The following KLF13 variants were observed in gnomAD, a reference collection of about 807,000 sequenced individuals.
KLF13 encodes Krueppel-like factor 13.
In KLF13, 8 loss-of-function variants were observed where a neutral mutation model predicts 16.7. The observed-to-expected ratio is 0.48, with a 90% CI of 0.28 to 0.87. The LOEUF (loss-of-function observed/expected upper bound fraction) is 0.87. Ranked by LOEUF, KLF13 falls within the 40% of genes least tolerant of loss-of-function variation. KLF13 has a pLI of 0.10. For missense variants in KLF13, 447 were observed against 452.2 expected (o/e 0.99, Z 0.10); for synonymous variants, 245 against 208.4 (o/e 1.18, Z -1.51).
chr15:31,346,882 T>C (rs2039130777), intron 1 of KLF13, among the ~76,000 whole-genome samples: 1 of 152,046 alleles, frequency 6.6e-6, no homozygotes, highest in African/African-American at 2.4e-5. Flanking sequence ...AGGGAGGGTC[T>C]GGGGAGATGC....
At chr15:31,405,265 G>T (rs1402164892), downstream of KLF13, among the ~76,000 whole-genome samples, 1 of 152,108 alleles carries the variant, frequency 6.6e-6, no homozygotes, top group Admixed American at 6.5e-5. Context: ...AGTGAGCCGA[G>T]ATCGCACCAC....
upstream of KLF13, among the ~76,000 whole-genome samples, chr15:31,390,930 C>A (rs2039855725): frequency 6.6e-6 from 1 of 151,724 alleles, no homozygotes; most frequent in Non-Finnish European, 1.5e-5. Context: ...CTGGTGGGAG[C>A]CTTTCTGGCC....
intron 1 of KLF13, among the ~76,000 whole-genome samples, chr15:31,383,762 C>T (rs565529238): frequency 1.2e-4 from 18 of 152,054 alleles, no homozygotes; most frequent in South Asian, 2.1e-4. Flanking sequence ...ATTAGCTGGG[C>T]GTGGTGGTGG....
chr15:31,360,695 G>A (rs1265840332), intron 1 of KLF13, among the ~76,000 whole-genome samples: 2 of 152,158 alleles, frequency 1.3e-5, no homozygotes, highest in African/African-American at 4.8e-5. Flanking sequence ...ACAGACCGTT[G>A]TCTAATTTGT....
rs1404132138 is a variant in KLF13 at position 31,327,553 on chromosome 15, C to T, written c.341C>T (p.Ala114Val). Residue 114 changes from alanine to valine, a missense_variant, in exon 1 of 2, where the codon GCG becomes GTG. By Grantham distance (64) the Ala-to-Val change is moderately conservative (BLOSUM62 0). Around this residue, in one of 2 missense-constraint regions of KLF13, gnomAD observed 359 missense variants for 282.8 expected, o/e 1.27. Coordinates refer to ENST00000307145, the MANE Select transcript of KLF13 (RefSeq NM_015995.4). ...ACCTCCCCCGGCGCCGAAGGCGCGG[C>T]GGCCGCGCCCCCCAGCCCGGCGTGG... ...EPTSPGAEGA[A>V]AAPPSPAWSE... 5 of 1,115,078 alleles carry T rather than the reference C, an allele frequency of 4.5e-6. No individual in the cohort carries two copies. The highest frequency in any genetic ancestry group is 3.3e-6 in the Non-Finnish European group (3 of 911,952). The allele number at this position is 1,115,078 out of a possible 1,614,324, so 69.1% of individuals were successfully genotyped here.
chr15:31,329,854 C>T (rs1273009560), intron 1 of KLF13, among the ~76,000 whole-genome samples: 2 of 152,146 alleles, frequency 1.3e-5, no homozygotes, highest in African/African-American at 4.8e-5. Context: ...CACAGGGCTC[C>T]GGCAGCGGGG....
intron 1 of KLF13, 119 bp downstream of exon 1, chr15:31,327,908 G>A: frequency 9.1e-7 from 1 of 1,104,970 alleles, no homozygotes; most frequent in Non-Finnish European, 1.1e-6. Context: ...CGGAACGCCC[G>A]GGGCCTCGCC....
At chr15:31,409,146 G>T (rs1465869091), downstream of KLF13, among the ~76,000 whole-genome samples, 1 of 151,984 alleles carries the variant, frequency 6.6e-6, no homozygotes, top group African/African-American at 2.4e-5. Context: ...TTTGCCAGGG[G>T]TGATGGTGCA....
chr15:31,395,449 T>C (rs2039941404), intron 2 of KLF13, among the ~76,000 whole-genome samples: 1 of 152,220 alleles, frequency 6.6e-6, no homozygotes, highest in African/African-American at 2.4e-5. Context: ...AGTTTTCTTT[T>C]TTCCTTATTT....
At chr15:31,417,538 GT>G (rs1355507506) in intron 1 of KLF13, among the ~76,000 whole-genome samples, 1 of 151,654 alleles carries the variant, frequency 6.6e-6, no homozygotes, top group East Asian at 1.9e-4. Context: ...CTGGTATTCT[GT>G]CTTTTTTTTC....
chr15:31,388,502 C>T (rs752595651), upstream of KLF13, among the ~76,000 whole-genome samples: 29 of 151,086 alleles, frequency 1.9e-4, no homozygotes, highest in Non-Finnish European at 3.8e-4. Flanking sequence ...TAATCCCTCT[C>T]AGCTACTCAG....
intron 1 of KLF13, among the ~76,000 whole-genome samples, chr15:31,346,116 G>GA (rs551457855): frequency 4.6e-4 from 70 of 152,176 alleles, no homozygotes; most frequent in African/African-American, 1.7e-3. Context: ...GAGCCCCCGA[G>GA]AACCCTGACG....
At chr15:31,396,954 G>A (rs1251557630) in intron 2 of KLF13, among the ~76,000 whole-genome samples, 2 of 152,086 alleles carry the variant, frequency 1.3e-5, no homozygotes, top group African/African-American at 4.8e-5. Flanking sequence ...ACAGCTTGGA[G>A]GTTAGAAGCA....
chr15:31,383,268 G>A (rs944297478), intron 1 of KLF13, among the ~76,000 whole-genome samples: 7 of 152,212 alleles, frequency 4.6e-5, no homozygotes, highest in African/African-American at 1.7e-4. Flanking sequence ...CTGTGGGGGC[G>A]GAACATGCTC....
chr15:31,370,051 T>TTC, intron 1 of KLF13, among the ~76,000 whole-genome samples: 1 of 150,252 alleles, frequency 6.7e-6, no homozygotes, highest in African/African-American at 2.4e-5. Context: ...TTTCTTTTTT[T>TTC]TTTTTTTTTT....
rs995533997 is a variant in KLF13, at chr15:31,327,973, C to T, written c.577+184C>T. 4.1e-5 allele frequency among the ~76,000 whole-genome samples: 6 copies of T among 148,014 alleles called. No individual in the cohort carries two copies. In the East Asian group the frequency reaches 1.0e-3, roughly 25 times the overall value. On this transcript the variant is annotated intron_variant, in intron 1 of 1. Coordinates refer to ENST00000307145, the MANE Select transcript of KLF13 (RefSeq NM_015995.4). ...GCCCCGCGCGTCGCGCGAGGCGGGT[C>T]TTGGCTCTCGGAGCCGGCGCCCGCC...
chr15:31,427,004 A>G (rs7166114), intron 1 of KLF13, among the ~76,000 whole-genome samples: 152,344 of 152,352 alleles, frequency 1, 76,168 homozygotes, highest in Middle Eastern at 1. Context: ...GGTCCCCTGG[A>G]TTCTCAGGCC....
Position 31,340,032 on chromosome 15 carries a change from G to A in KLF13, c.577+12243G>A, listed in dbSNP as rs571319486. On this transcript the variant is annotated intron_variant, in intron 1 of 1. Coordinates refer to ENST00000307145, the MANE Select transcript of KLF13 (RefSeq NM_015995.4). Reference sequence around the variant, plus strand: ...GCTTTGTTTATTTTACTGTCAGTAGGGCTGACCCAGGTTGCCCTGGTGGGT... The same window carrying A: ...GCTTTGTTTATTTTACTGTCAGTAGAGCTGACCCAGGTTGCCCTGGTGGGT... 85 of 702,380 alleles carry A rather than the reference G, an allele frequency of 1.2e-4. No individual in the cohort carries two copies. In the African/African-American group the frequency reaches 1.4e-3, roughly 12 times the overall value. 43.5% of individuals were successfully genotyped at this position (702,380 alleles called of 1,614,324 possible).
intron 1 of KLF13, among the ~76,000 whole-genome samples, chr15:31,409,844 C>T (rs1396604554): frequency 1.3e-5 from 2 of 152,056 alleles, no homozygotes; most frequent in East Asian, 1.9e-4. Flanking sequence ...AGAAAATTTT[C>T]TACTAGCAGC....
Sources: allele counts gnomAD v4.1 joint callset (sites outside exome capture counted in the v4.1 genomes callset), GRCh38; gene constraint gnomAD v4.1.1; regional missense constraint gnomAD v4.1.1; transcripts MANE v1.5; gene names NCBI Gene and HGNC (gene_info 2026-07-23, HGNC 2026-07-21).